ACTN4: variants seen among roughly 807,000 people sequenced by gnomAD.
ACTN4 encodes actinin alpha 4, also known as alpha-actinin-4.
In ACTN4, 18 loss-of-function variants were observed where a neutral mutation model predicts 114.2. The ratio of observed to expected loss-of-function variants is 0.16; its 90% CI spans 0.11 to 0.23. The LOEUF (loss-of-function observed/expected upper bound fraction) is 0.23, where lower values mean the gene tolerates loss of function less well. Ranked by LOEUF, ACTN4 falls within the 10% of genes least tolerant of loss-of-function variation. The probability of loss-of-function intolerance (pLI) is 1.00; values close to 1 mark genes in which losing one functional copy is unlikely to be tolerated. For missense variants in ACTN4, 722 were observed against 1,262.9 expected (o/e 0.57, Z 6.49); for synonymous variants, 515 against 506.3 (o/e 1.02, Z -0.23).
At position 38,727,921 on chromosome 19, in the gene ACTN4, A is replaced by G; in HGVS notation, c.2338-25A>G. The G allele has an allele frequency of 1.2e-6, 2 of 1,610,134 alleles. No individual in the cohort carries two copies. The highest frequency in any genetic ancestry group is 1.7e-6 in the Non-Finnish European group (2 of 1,178,640). ...GGTCTCCACGCCGCCCCTCCCGCAC[A>G]CCTGCCTTCGGATGGCCCCGGCAGG... On this transcript the variant is annotated intron_variant, in intron 18 of 20. Coordinates refer to ENST00000252699, the MANE Select transcript of ACTN4 (RefSeq NM_004924.6). The surrounding 1 kb of genome is among the most constrained non-coding windows in gnomAD (Gnocchi z 5.4).
chr19:38,650,632 G>T (rs375245855), intron 1 of ACTN4, among the ~76,000 whole-genome samples: 2 of 152,224 alleles, frequency 1.3e-5, no homozygotes, highest in African/African-American at 2.4e-5. Context: ...ATGGGGTAGG[G>T]ATTCTTTTTG....
intron 3 of ACTN4, among the ~76,000 whole-genome samples, chr19:38,702,225 A>G (rs1447794315): frequency 1.3e-5 from 2 of 152,206 alleles, no homozygotes; most frequent in Non-Finnish European, 2.9e-5. Flanking sequence ...TCATTTGGAG[A>G]AAAACTTGGT....
At position 38,717,303 on chromosome 19, in the gene ACTN4, G is replaced by A; in HGVS notation, c.1130G>A (p.Gly377Asp). The A allele has an allele frequency of 6.2e-7, 1 of 1,613,862 alleles. No individual in the cohort carries two copies. Among genetic ancestry groups the A allele is most frequent in the African/African-American group, 1.3e-5 (1 of 75,036 alleles). ...SNRPAFMPSE[G>D]KMVSDINNGW... ...CGGCCCGCCTTCATGCCCTCCGAGG[G>A]CAAGATGGTCTCGGTGAGCACCAGG... Residue 377 changes from glycine to aspartate, a missense_variant, in exon 10 of 21, where the codon GGC (glycine) becomes GAC (aspartate). Physicochemically the swap from Gly to Asp is moderately conservative, Grantham distance 94. Transcript: ENST00000252699. The surrounding 1 kb of genome is among the most constrained non-coding windows in gnomAD (Gnocchi z 4.0).
chr19:38,673,682 T>A (rs1425215999), intron 1 of ACTN4, among the ~76,000 whole-genome samples: 4 of 90,392 alleles, frequency 4.4e-5, no homozygotes, highest in African/African-American at 2.4e-4. Flanking sequence ...ATTTATATAT[T>A]TATATATATT....
At chr19:38,670,193 C>T (rs866341124) in intron 1 of ACTN4, among the ~76,000 whole-genome samples, 10 of 152,202 alleles carry the variant, frequency 6.6e-5, no homozygotes, top group South Asian at 2.1e-4. Context: ...GGTGTTTCCA[C>T]TCAAGGGAGT....
intron 1 of ACTN4, among the ~76,000 whole-genome samples, chr19:38,689,144 G>A (rs1271741271): frequency 6.6e-6 from 1 of 152,112 alleles, no homozygotes; most frequent in East Asian, 1.9e-4. Context: ...ATTCACGGTG[G>A]TGCTAATATC....
rs1969414774 is a variant in ACTN4, at chr19:38,729,722, A to G, written c.*290A>G. On this transcript the variant is annotated 3_prime_UTR_variant, in exon 21 of 21. Coordinates refer to ENST00000252699, the MANE Select transcript of ACTN4 (RefSeq NM_004924.6). ...CAAGGAGGGGCCAGTGGATTCCCAC[A>G]GCACAACCGGTCCCTTCCATGCCCT... The G allele has an allele frequency of 1.6e-6, 1 of 607,586 alleles. No individual in the cohort carries two copies. The highest frequency in any genetic ancestry group is 1.5e-5 in the South Asian group (1 of 65,844). 37.6% of individuals were successfully genotyped at this position (607,586 alleles called of 1,614,324 possible).
Position 38,674,141 on chromosome 19 carries a change from A to G in ACTN4, c.162+26234A>G, listed in dbSNP as rs372180275. ...AAGAGGGGACAGTGGGGGACTTGCA[A>G]TAGATTGTGTGGGAGCTGTCAGGGG... On this transcript the variant is annotated intron_variant, in intron 1 of 20. Coordinates refer to ENST00000252699, the MANE Select transcript of ACTN4 (RefSeq NM_004924.6). Among the ~76,000 whole-genome samples the G allele has an allele frequency of 1.1e-4, 17 of 152,168 alleles. No individual in the cohort carries two copies. The East Asian group carries it at 2.7e-3, about 24-fold the overall frequency.
At chr19:38,682,152 C>G (rs918641534) in intron 1 of ACTN4, among the ~76,000 whole-genome samples, 4 of 151,946 alleles carry the variant, frequency 2.6e-5, no homozygotes, top group African/African-American at 7.3e-5. Flanking sequence ...AGATTTAAAG[C>G]AAAGAGGATA....
intron 1 of ACTN4, among the ~76,000 whole-genome samples, chr19:38,674,771 G>A (rs773713373): frequency 9.2e-5 from 14 of 152,168 alleles, no homozygotes; most frequent in South Asian, 2.1e-4. Flanking sequence ...CTCTGACTTC[G>A]TGTCCCTGGT....
At chr19:38,693,472 ACCAAGGC>A (rs1255935709) in intron 1 of ACTN4, 1 of 152,246 alleles carries the variant, frequency 6.6e-6, no homozygotes, top group Non-Finnish European at 1.5e-5. Context: ...GCCGCATCCC[ACCAAGGC>A]CCTTTCTTCC....
chr19:38,684,618 G>A (rs1599795866), intron 1 of ACTN4, among the ~76,000 whole-genome samples: 2 of 152,254 alleles, frequency 1.3e-5, no homozygotes, highest in African/African-American at 4.8e-5. Context: ...GGGTGAGAGT[G>A]TAGCCCTGTT....
intron 3 of ACTN4, among the ~76,000 whole-genome samples, chr19:38,702,794 C>T (rs1043201161): frequency 2.0e-5 from 3 of 152,206 alleles, no homozygotes; most frequent in Non-Finnish European, 4.4e-5. Flanking sequence ...TGGACACCCC[C>T]TTCCTCTGGG....
intron 3 of ACTN4, among the ~76,000 whole-genome samples, chr19:38,703,417 T>C (rs1219317408): frequency 6.6e-6 from 1 of 152,110 alleles, no homozygotes; most frequent in Non-Finnish European, 1.5e-5. Flanking sequence ...TTTGTGTTTT[T>C]AGTAGAGACG....
chr19:38,716,772 T>TA (rs1438850855), intron 9 of ACTN4, among the ~76,000 whole-genome samples: 1 of 152,224 alleles, frequency 6.6e-6, no homozygotes, highest in Non-Finnish European at 1.5e-5. Context: ...GGGAGGTTGC[T>TA]ATGATCATGC....
chr19:38,660,987 G>A (rs1260648162), intron 1 of ACTN4, among the ~76,000 whole-genome samples: 1 of 151,968 alleles, frequency 6.6e-6, no homozygotes, highest in African/African-American at 2.4e-5. Flanking sequence ...GAGAAAGAGA[G>A]AACCAAGAGA....
intron 1 of ACTN4, among the ~76,000 whole-genome samples, chr19:38,692,963 G>A (rs1181935723): frequency 6.6e-6 from 1 of 152,136 alleles, no homozygotes; most frequent in East Asian, 1.9e-4. Flanking sequence ...AACTCCCAGG[G>A]TGCTAGGGAG....
Position 38,724,380 on chromosome 19 carries a change from G to A in ACTN4, c.1875+41G>A. On this transcript the variant is annotated intron_variant, in intron 15 of 20. Transcript: ENST00000252699. The surrounding 1 kb of genome is among the most constrained non-coding windows in gnomAD (Gnocchi z 7.0). Reference sequence around the variant, plus strand: ...CCGTAGGGGCTGGGGCAGGACGGCGGGGCTGGGGGCCACCTCCCTGACCGC... The same window carrying A: ...CCGTAGGGGCTGGGGCAGGACGGCGAGGCTGGGGGCCACCTCCCTGACCGC... 6.2e-7 allele frequency: 1 copy of A among 1,611,782 alleles called. No homozygotes were observed. Among genetic ancestry groups the A allele is most frequent in the Non-Finnish European group, 8.5e-7 (1 of 1,179,402 alleles).
At chr19:38,691,464 T>C (rs1040469678) in intron 1 of ACTN4, among the ~76,000 whole-genome samples, 1 of 142,722 alleles carries the variant, frequency 7.0e-6, no homozygotes, top group Non-Finnish European at 1.5e-5. Flanking sequence ...AGTGATAGCC[T>C]AGGGGAGATG....
Sources: gnomAD v4.1 joint callset for allele counts (sites outside exome capture counted in the v4.1 genomes callset) on GRCh38, gnomAD v4.1.1 for gene constraint, Gnocchi (gnomAD v3.1) non-coding constraint, MANE v1.5 for transcripts, NCBI Gene and HGNC (gene_info 2026-07-23, HGNC 2026-07-21) for gene names.